Variants in PDZD2 observed in about 807,000 individuals in gnomAD.
The protein encoded by PDZD2 is PDZ domain-containing protein 2.
In PDZD2, 90 loss-of-function variants were observed where a neutral mutation model predicts 220.7. The ratio of observed to expected loss-of-function variants is 0.41; its 90% CI spans 0.34 to 0.49. The LOEUF (loss-of-function observed/expected upper bound fraction) is 0.49. Among genes scored for constraint, PDZD2 ranks in the 20% least tolerant of loss-of-function variants. The probability of loss-of-function intolerance (pLI) is 0.28; values close to 1 mark genes in which losing one functional copy is unlikely to be tolerated. For missense variants in PDZD2, 3,174 were observed against 3,608.5 expected, an observed-to-expected ratio of 0.88 and a Z score of 3.08; for synonymous variants, 1,375 against 1,450.5, an observed-to-expected ratio of 0.95 and a Z score of 1.18.
chr5:31,745,607 T>C (rs763857280), intron 1 of PDZD2, among the ~76,000 whole-genome samples: 3 of 151,956 alleles, frequency 2.0e-5, no homozygotes, highest in Non-Finnish European at 4.4e-5. Flanking sequence ...CTCATTAGAG[T>C]CGTCCATTTT....
At chr5:31,926,855 GAT>G (rs10590672) in intron 2 of PDZD2, among the ~76,000 whole-genome samples, 123,198 of 152,026 alleles carry the variant, frequency 0.81, 50,015 homozygotes, top group Middle Eastern at 0.85. Flanking sequence ...AACAAAGTGT[GAT>G]ATATATATAC....
intron 5 of PDZD2, among the ~76,000 whole-genome samples, chr5:32,005,482 A>C (rs1055698483): frequency 2.0e-5 from 3 of 151,680 alleles, no homozygotes; most frequent in South Asian, 2.1e-4. Flanking sequence ...CTTGGTTTTT[A>C]TTAACAAGTA....
intron 1 of PDZD2, among the ~76,000 whole-genome samples, chr5:31,752,025 C>T (rs377746224): frequency 3.1e-4 from 39 of 124,136 alleles, no homozygotes; most frequent in African/African-American, 1.1e-3. Flanking sequence ...GCAGATTTCT[C>T]TCTCTCTCTT....
chr5:31,903,644 CAAAAAAAA>C (rs59822169), intron 2 of PDZD2, among the ~76,000 whole-genome samples: 5 of 99,730 alleles, frequency 5.0e-5, no homozygotes, highest in Admixed American at 1.1e-4. Context: ...GACCCTGTCT[CAAAAAAAA>C]AAAAAAAAAA....
chr5:31,875,625 G>A lies in PDZD2; in HGVS notation c.476+75901G>A, dbSNP rs1739236885. ...ATATATATATATTTTAAAAATATAT[G>A]TTTAAATATATACAAATTTAATATA... On this transcript the variant is annotated intron_variant, in intron 2 of 24. Coordinates refer to ENST00000438447, the MANE Select transcript of PDZD2 (RefSeq NM_178140.4). 2.7e-5 allele frequency among the ~76,000 whole-genome samples: 4 copies of A among 146,862 alleles called. No homozygotes were observed. In the Admixed American group the frequency reaches 2.7e-4, roughly 10 times the overall value.
intron 2 of PDZD2, among the ~76,000 whole-genome samples, chr5:31,940,828 C>T (rs1261333656): frequency 6.6e-6 from 1 of 152,208 alleles, no homozygotes; most frequent in African/African-American, 2.4e-5. Context: ...GGCAGAACAT[C>T]AGTGCAGATG....
At chr5:31,644,201 A>G (rs1358080770) in intron 1 of PDZD2, among the ~76,000 whole-genome samples, 1 of 152,210 alleles carries the variant, frequency 6.6e-6, no homozygotes, top group Non-Finnish European at 1.5e-5. Context: ...CGGATGGTCT[A>G]TGTCTAGATT....
chr5:32,057,790 G>A, intron 11 of PDZD2, 62 bp downstream of exon 11: 1 of 1,425,952 alleles, frequency 7.0e-7, no homozygotes, highest in Non-Finnish European at 9.8e-7. Context: ...CTTCTGGCTT[G>A]GGTTTGGTGA....
rs142594211 is a variant in PDZD2, at chr5:31,845,517, G to A, written c.476+45793G>A. Among the ~76,000 whole-genome samples the A allele has an allele frequency of 2.0e-3, 307 of 152,332 alleles. 1 individual carries two copies. The highest frequency in any genetic ancestry group is 0.01 in the Middle Eastern group (3 of 294). On this transcript the variant is annotated intron_variant, in intron 2 of 24. Transcript: ENST00000438447. ...CACTCAGAAGAGAGAGCTAACAGTG[G>A]GAGGGAAGTCAGGGAACGTGTCCTG...
intron 6 of PDZD2, among the ~76,000 whole-genome samples, chr5:32,034,316 T>C (rs1342413692): frequency 6.6e-6 from 1 of 151,898 alleles, no homozygotes. Flanking sequence ...TGAAGGTCGA[T>C]AGCCTGGGTC....
chr5:31,686,206 A>G (rs1304404356), intron 1 of PDZD2, among the ~76,000 whole-genome samples: 1 of 151,904 alleles, frequency 6.6e-6, no homozygotes, highest in African/African-American at 2.4e-5. Flanking sequence ...CCTGGGCGAC[A>G]GAGCGAGTCT....
rs1747662191 is a variant in PDZD2 at position 31,702,845 on chromosome 5, CAT to C, written c.-361+63409_-361+63410del. On this transcript the variant is annotated intron_variant, in intron 1 of 24. Transcript: ENST00000438447. ...GCTAACAGTCCTTTGAAACAAGAGA[CAT>C]GTGTTTTTAATAGAATTGCAAGTTT... 2.6e-5 allele frequency among the ~76,000 whole-genome samples: 4 copies of C among 152,356 alleles called. No homozygotes were observed. In the South Asian group the frequency reaches 6.2e-4, roughly 24 times the overall value.
At chr5:31,819,802 T>C (rs116233546) in intron 2 of PDZD2, among the ~76,000 whole-genome samples, 1 of 152,342 alleles carries the variant, frequency 6.6e-6, no homozygotes, top group Non-Finnish European at 1.5e-5. Flanking sequence ...TGCAAATTGC[T>C]TTCCCCAAGA....
chr5:31,640,124 T>A (rs898217722), intron 1 of PDZD2, among the ~76,000 whole-genome samples: 12 of 152,210 alleles, frequency 7.9e-5, no homozygotes, highest in African/African-American at 2.7e-4. Flanking sequence ...GTGTTTTAAG[T>A]CTTTGAGCTG....
chr5:31,859,296 G>A lies in PDZD2; in HGVS notation c.476+59572G>A, dbSNP rs1322360461. On this transcript the variant is annotated intron_variant, in intron 2 of 24. Coordinates refer to ENST00000438447, the MANE Select transcript of PDZD2 (RefSeq NM_178140.4). ...AAACCTTCTCTATTGCAATTCCCCT[G>A]TCTTGATAAATTGGCTCTATCTGGG... Among the ~76,000 whole-genome samples, 4 of 152,198 alleles carry A rather than the reference G, an allele frequency of 2.6e-5. No individual in the cohort carries two copies. The East Asian group carries it at 7.7e-4, about 29-fold the overall frequency.
chr5:31,931,303 G>A (rs1380921368), intron 2 of PDZD2, among the ~76,000 whole-genome samples: 16 of 151,504 alleles, frequency 1.1e-4, no homozygotes, highest in Admixed American at 6.6e-4. Flanking sequence ...GATGACAGGC[G>A]TACACCACTA....
chr5:31,878,555 C>CTTTTTTTTTT lies in PDZD2; in HGVS notation c.476+78846_476+78855dup, dbSNP rs397884384. On this transcript the variant is annotated intron_variant, in intron 2 of 24. Coordinates refer to ENST00000438447, the MANE Select transcript of PDZD2 (RefSeq NM_178140.4). ...TTCTTTGGTGGTCAGATGACCTCGG[C>CTTTTTTTTTT]TTTTTTTTTTTTTTTTTTTTTTTTG... is the stretch of plus-strand genomic sequence containing the variant. 7.9e-3 allele frequency among the ~76,000 whole-genome samples: 382 copies of CTTTTTTTTTT among 48,178 alleles called. 107 individuals carry two copies. The highest frequency in any genetic ancestry group is 8.9e-3 in the Non-Finnish European group (242 of 27,126). 31.6% of individuals were successfully genotyped at this position (48,178 alleles called of 152,430 possible). A position where few individuals can be genotyped will look rare whatever the true frequency, so the allele number is the denominator to read the frequency against.
At chr5:32,014,706 C>CTTTT (rs556276502) in intron 6 of PDZD2, among the ~76,000 whole-genome samples, 1 of 95,422 alleles carries the variant, frequency 1.0e-5, no homozygotes, top group African/African-American at 4.4e-5. Context: ...ATGACAATTT[C>CTTTT]TTTTTTTTTT....
intron 2 of PDZD2, among the ~76,000 whole-genome samples, chr5:31,815,342 A>G (rs1057254692): frequency 2.6e-5 from 4 of 151,944 alleles, no homozygotes; most frequent in Admixed American, 1.3e-4. Flanking sequence ...CTGGATCAGC[A>G]AAAGACCTGG....
Sources: gnomAD v4.1 joint callset for allele counts (sites outside exome capture counted in the v4.1 genomes callset) on GRCh38, gnomAD v4.1.1 for gene constraint, MANE v1.5 for transcripts, NCBI Gene and HGNC (gene_info 2026-07-23, HGNC 2026-07-21) for gene names.